Variants in BAG3 observed in about 807,000 individuals in gnomAD.
BAG3 encodes the protein BAG family molecular chaperone regulator 3.
A neutral mutation model predicts 40.5 loss-of-function variants in BAG3; 14 were observed. That is an observed-to-expected ratio of 0.35 (90% CI 0.23 to 0.54). The LOEUF (loss-of-function observed/expected upper bound fraction) is 0.54. BAG3 is among the 20% of genes least tolerant of loss of function. The pLI, the probability that BAG3 is intolerant of heterozygous loss-of-function variation, is 0.91. For synonymous variants in BAG3, 302 were observed against 307.8 expected (o/e 0.98, Z 0.20); for missense variants, 788 against 758.6 (o/e 1.04, Z -0.46).
intron 1 of BAG3, among the ~76,000 whole-genome samples, chr10:119,653,443 G>A (rs1307756573): frequency 6.6e-6 from 1 of 152,186 alleles, no homozygotes. Flanking sequence ...TGTTGTGAGT[G>A]AAGATCAAGT....
intron 1 of BAG3, among the ~76,000 whole-genome samples, chr10:119,652,123 C>CGTG: frequency 6.6e-6 from 1 of 152,200 alleles, no homozygotes; most frequent in Middle Eastern, 3.4e-3. Flanking sequence ...GGCTCCGGTG[C>CGTG]CGTCCACGGC....
chr10:119,661,946 A>G (rs533004984), intron 1 of BAG3, among the ~76,000 whole-genome samples: 13 of 152,328 alleles, frequency 8.5e-5, no homozygotes, highest in Non-Finnish European at 1.9e-4. Flanking sequence ...GTATTTCAGT[A>G]TCAAATGGGC....
chr10:119,677,159 C>G lies in BAG3; in HGVS notation c.1605C>G (p.Gly535=), dbSNP rs200427679. 6.2e-7 allele frequency: 1 copy of G among 1,614,056 alleles called. No homozygotes were observed. Among genetic ancestry groups the G allele is most frequent in the Admixed American group, 1.7e-5 (1 of 59,998 alleles). The change falls in exon 4 of 4, where the codon GGC becomes GGG. Residue 535 remains glycine, a synonymous_variant. Transcript: ENST00000369085. ...TGGGTGCCGTGGCAGCAGACAAGGG[C>G]AAGAAAAATGCTGGAAATGCAGAAG... The part of the protein sequence containing the change: ...MEMGAVAADK[G]KKNAGNAEDP...
At chr10:119,675,247 C>T (rs1847202891) in intron 3 of BAG3, among the ~76,000 whole-genome samples, 1 of 152,126 alleles carries the variant, frequency 6.6e-6, no homozygotes, top group Non-Finnish European at 1.5e-5. Flanking sequence ...GTGAGAGGAT[C>T]ACTTGAGGCC....
intron 2 of BAG3, among the ~76,000 whole-genome samples, chr10:119,671,155 A>G (rs1847144672): frequency 6.6e-6 from 1 of 152,176 alleles, no homozygotes; most frequent in South Asian, 2.1e-4. Flanking sequence ...AAAAAATACA[A>G]AAATTAGCCG....
rs762944997 is a variant in BAG3 at position 119,676,462 on chromosome 10, A to C, written c.910-2A>C. On this transcript the variant is annotated splice_acceptor_variant, in intron 3 of 3. Coordinates refer to ENST00000369085, the MANE Select transcript of BAG3 (RefSeq NM_004281.4). LOFTEE classifies it high-confidence loss of function. Reference sequence around the variant, plus strand: ...AAATATATTTTTGTGTCCTTTTTTCAGCAGCCCATGACCCATCGAGAAACT... The same window carrying C: ...AAATATATTTTTGTGTCCTTTTTTCCGCAGCCCATGACCCATCGAGAAACT... 18 of 1,613,644 alleles carry C rather than the reference A, an allele frequency of 1.1e-5. No individual in the cohort carries two copies. The highest frequency in any genetic ancestry group is 1.1e-5 in the Non-Finnish European group (13 of 1,179,916).
At position 119,652,119 on chromosome 10, in the gene BAG3, G is replaced by A. The variant is rs112168846; in HGVS notation, c.180+264G>A. Reference sequence around the variant, plus strand: ...CGGGAAGCGACCCCGCAGTGGCTCCGGTGCCGTCCACGGCTCGACTCCAGG... The same window carrying A: ...CGGGAAGCGACCCCGCAGTGGCTCCAGTGCCGTCCACGGCTCGACTCCAGG... On this transcript the variant is annotated intron_variant, in intron 1 of 3. Transcript: ENST00000369085. Among the ~76,000 whole-genome samples, 12,747 of 152,104 alleles carry A rather than the reference G, an allele frequency of 0.084. 737 individuals carry two copies. The highest frequency in any genetic ancestry group is 0.22 in the East Asian group (1,138 of 5,166).
Position 119,667,399 on chromosome 10 carries a change from A to G in BAG3, c.181-2452A>G, listed in dbSNP as rs544624558. Reference sequence around the variant, plus strand: ...GGCATCCCTCTTGATATGCCCTTATAAAACCTCACAACATTTCTCCAGGGC... The same window carrying G: ...GGCATCCCTCTTGATATGCCCTTATGAAACCTCACAACATTTCTCCAGGGC... On this transcript the variant is annotated intron_variant, in intron 1 of 3. Coordinates refer to ENST00000369085, the MANE Select transcript of BAG3 (RefSeq NM_004281.4). Among the ~76,000 whole-genome samples, 5 of 152,354 alleles carry G rather than the reference A, an allele frequency of 3.3e-5. No individual in the cohort carries two copies. The South Asian group carries it at 8.3e-4, about 25-fold the overall frequency.
chr10:119,675,914 T>TCCC (rs1564776251), intron 3 of BAG3, among the ~76,000 whole-genome samples: 4 of 18,390 alleles, frequency 2.2e-4, no homozygotes, highest in Non-Finnish European at 2.2e-4. Context: ...CCTTCCTTCC[T>TCCC]TCCTTCCTCC....
At position 119,675,752 on chromosome 10, in the gene BAG3, TTTCCTTCC is replaced by T. The variant is rs1349506858; in HGVS notation, c.910-703_910-696del. ...TGAGTTTTTGCTATTTTTTTCCTTCTTTCCTTCCTTCCTTCCCTCCTTCCCTCCCCCTC... is the reference window on the plus strand; with the variant it reads ...TGAGTTTTTGCTATTTTTTTCCTTCTTTCCTTCCCTCCTTCCCTCCCCCTC... On this transcript the variant is annotated intron_variant, in intron 3 of 3. Transcript: ENST00000369085. Among the ~76,000 whole-genome samples the T allele has an allele frequency of 6.3e-5, 5 of 79,952 alleles. 2 individuals are homozygous for T. The highest frequency in any genetic ancestry group is 1.9e-4 in the African/African-American group (4 of 20,998). 52.5% of individuals were successfully genotyped at this position (79,952 alleles called of 152,430 possible).
rs762317370 is a variant in BAG3, at chr10:119,672,283, G to A, written c.536G>A (p.Cys179Tyr). Residue 179 changes from cysteine (C) to tyrosine (Y), a missense_variant, in exon 3 of 4, where the codon TGC (cysteine) becomes TAC (tyrosine). Transcript: ENST00000369085. This position sits in a 1 kb window ranked among gnomAD's most constrained non-coding sequence, Gnocchi z 4.8. ...TCCCAGTCTCCAGCTGCCTCTGACT[G>A]CTCATCCTCATCCTCCTCGGCCAGC... ...ERSQSPAASD[C>Y]SSSSSSASLP... 2 of 1,613,796 alleles carry A rather than the reference G, an allele frequency of 1.2e-6. No individual in the cohort carries two copies. Among genetic ancestry groups the A allele is most frequent in the African/African-American group, 1.3e-5 (1 of 75,016 alleles).
At chr10:119,653,060 C>T (rs1338858962) in intron 1 of BAG3, among the ~76,000 whole-genome samples, 1 of 152,208 alleles carries the variant, frequency 6.6e-6, no homozygotes, top group Non-Finnish European at 1.5e-5. Context: ...TGCTGTGTAA[C>T]CCATTGTTTT....
intron 1 of BAG3, 138 bp from the exon 2 acceptor site, chr10:119,669,713 G>A: frequency 1.1e-6 from 1 of 889,340 alleles, no homozygotes; most frequent in Non-Finnish European, 1.8e-6. Context: ...GAGGGTACAG[G>A]GGCTGGGAGC....
chr10:119,676,877 C>T lies in BAG3; in HGVS notation c.1323C>T (p.Asn441=). ...AGGGGCTGGAGCAGGCTGTAGACAA[C>T]TTTGAAGGCAAGAAGACTGACAAAA... ...KVQGLEQAVD[N]FEGKKTDKKY... is the part of the protein sequence containing the mutation. The change falls in exon 4 of 4, where the codon AAC becomes AAT. Residue 441 remains asparagine (N), a synonymous_variant. Coordinates refer to ENST00000369085, the MANE Select transcript of BAG3 (RefSeq NM_004281.4). The T allele has an allele frequency of 6.2e-7, 1 of 1,614,184 alleles. No homozygotes were observed. Among genetic ancestry groups the T allele is most frequent in the Non-Finnish European group, 8.5e-7 (1 of 1,180,044 alleles).
intron 1 of BAG3, among the ~76,000 whole-genome samples, chr10:119,655,887 G>A (rs1184016855): frequency 2.0e-5 from 3 of 151,984 alleles, no homozygotes; most frequent in African/African-American, 7.3e-5. Flanking sequence ...CAGGACCTGC[G>A]GCAGCGTTTG....
chr10:119,677,392 T>C lies in BAG3; in HGVS notation c.*110T>C, dbSNP rs1399711274. 5 of 1,373,218 alleles carry C rather than the reference T, an allele frequency of 3.6e-6. No homozygotes were observed. Among genetic ancestry groups the C allele is most frequent in the Non-Finnish European group, 4.1e-6 (4 of 981,488 alleles). 85.1% of individuals were successfully genotyped at this position (1,373,218 alleles called of 1,614,324 possible). On this transcript the variant is annotated 3_prime_UTR_variant, in exon 4 of 4. Transcript: ENST00000369085. Reference sequence around the variant, plus strand: ...GTTGGTTTTTATTAGCTGCTTGGTATGCAGTAACTTGGGTGGAGGCAAAAC... The same window carrying C: ...GTTGGTTTTTATTAGCTGCTTGGTACGCAGTAACTTGGGTGGAGGCAAAAC...
At position 119,672,700 on chromosome 10, in the gene BAG3, C is replaced by G; in HGVS notation, c.909+44C>G. 1 of 1,605,520 alleles carries G rather than the reference C, an allele frequency of 6.2e-7. No individual in the cohort carries two copies. Among genetic ancestry groups the G allele is most frequent in the Non-Finnish European group, 8.5e-7 (1 of 1,179,908 alleles). ...CAGCAGACTGGTTATGGTGGTATGT[C>G]TCCAGGGGTGCAGGAGCTCTGTGGG... On this transcript the variant is annotated intron_variant, in intron 3 of 3. Coordinates refer to ENST00000369085, the MANE Select transcript of BAG3 (RefSeq NM_004281.4). The surrounding 1 kb of genome is among the most constrained non-coding windows in gnomAD (Gnocchi z 4.8).
chr10:119,652,346 T>G lies in BAG3; in HGVS notation c.180+491T>G, dbSNP rs190431922. Reference sequence around the variant, plus strand: ...TTGGATGGTGGTTTTGGGGGGAATTTTACCGCTCAAGTTCTCCAACTTGGT... The same window carrying G: ...TTGGATGGTGGTTTTGGGGGGAATTGTACCGCTCAAGTTCTCCAACTTGGT... On this transcript the variant is annotated intron_variant, in intron 1 of 3. Coordinates refer to ENST00000369085, the MANE Select transcript of BAG3 (RefSeq NM_004281.4). 4.6e-5 allele frequency among the ~76,000 whole-genome samples: 7 copies of G among 152,340 alleles called. No individual in the cohort carries two copies. In the East Asian group the frequency reaches 1.3e-3, roughly 29 times the overall value.
intron 1 of BAG3, among the ~76,000 whole-genome samples, chr10:119,659,473 TGGAA>T (rs1183545394): frequency 1.3e-5 from 2 of 152,072 alleles, no homozygotes. Context: ...TCACCGCAGA[TGGAA>T]GGAAGGAGGG....
Sources: allele counts gnomAD v4.1 joint callset (sites outside exome capture counted in the v4.1 genomes callset), GRCh38; gene constraint gnomAD v4.1.1; non-coding constraint Gnocchi (gnomAD v3.1); transcripts MANE v1.5; gene names NCBI Gene and HGNC (gene_info 2026-07-23, HGNC 2026-07-21).